The following GLIS1 variants were observed in gnomAD, a reference collection of about 807,000 sequenced individuals.
The protein encoded by GLIS1 is GLIS family zinc finger 1.
Under a neutral mutation model 63.8 loss-of-function variants are expected in GLIS1, and 24 were observed. That is an observed-to-expected ratio of 0.38 (90% CI 0.27 to 0.53). The LOEUF (loss-of-function observed/expected upper bound fraction) is 0.53. Ranked by LOEUF, GLIS1 falls within the 20% of genes least tolerant of loss-of-function variation. The probability of loss-of-function intolerance (pLI) is 0.85; values close to 1 mark genes in which losing one functional copy is unlikely to be tolerated. For synonymous variants in GLIS1, 450 were observed against 482.5 expected (o/e 0.93, Z 0.88); for missense variants, 1,036 against 1,074.1 (o/e 0.96, Z 0.50).
intron 4 of GLIS1, among the ~76,000 whole-genome samples, chr1:53,530,803 C>T (rs537600971): frequency 3.0e-4 from 46 of 152,326 alleles, no homozygotes; most frequent in Non-Finnish European, 5.7e-4. Context: ...TGCTGCCTAG[C>T]GGAAGCAGCA....
intron 7 of GLIS1, among the ~76,000 whole-genome samples, chr1:53,515,267 C>T (rs1025654901): frequency 2.0e-5 from 3 of 152,092 alleles, no homozygotes; most frequent in South Asian, 2.1e-4. Flanking sequence ...GCCCAGGGCT[C>T]GGCAGTGCCT....
intron 2 of GLIS1, among the ~76,000 whole-genome samples, chr1:53,715,910 G>A (rs1465913167): frequency 1.3e-5 from 2 of 152,204 alleles, no homozygotes; most frequent in South Asian, 4.1e-4. Context: ...AGGGGGATTA[G>A]ACGCAGGAAG....
At position 53,645,795 on chromosome 1, in the gene GLIS1, G is replaced by C. The variant is rs149136088; in HGVS notation, c.260-45517C>G. Reference sequence around the variant, plus strand: ...ACTTTCCCAAGTTCATAGAATTTAGGGGGCAGCAGAGCTGGATTTTCAAGA... The same window carrying C: ...ACTTTCCCAAGTTCATAGAATTTAGCGGGCAGCAGAGCTGGATTTTCAAGA... On this transcript the variant is annotated intron_variant, in intron 2 of 10. Transcript: ENST00000628545. Among the ~76,000 whole-genome samples the C allele has an allele frequency of 7.6e-4, 116 of 152,206 alleles. 1 individual carries two copies. The highest frequency in any genetic ancestry group is 2.4e-3 in the African/African-American group (101 of 41,458).
chr1:53,691,987 C>T (rs939885977), intron 2 of GLIS1, among the ~76,000 whole-genome samples: 1 of 152,100 alleles, frequency 6.6e-6, no homozygotes, highest in Admixed American at 6.5e-5. Context: ...CGGGGAGTTC[C>T]ACACCTATAA....
chr1:53,688,132 G>A (rs1382519856), intron 2 of GLIS1, among the ~76,000 whole-genome samples: 2 of 152,206 alleles, frequency 1.3e-5, no homozygotes, highest in African/African-American at 2.4e-5. Flanking sequence ...TGTGTGTGGC[G>A]TGCTGACACC....
At chr1:53,721,676 G>C (rs75820566) in intron 2 of GLIS1, among the ~76,000 whole-genome samples, 1 of 152,078 alleles carries the variant, frequency 6.6e-6, no homozygotes, top group Non-Finnish European at 1.5e-5. Flanking sequence ...TAAAAACTAT[G>C]TTTGGCATTA....
chr1:53,560,469 C>T lies in GLIS1; in HGVS notation c.1321-30517G>A, dbSNP rs1266077046. On this transcript the variant is annotated intron_variant, in intron 4 of 10. Coordinates refer to ENST00000628545, the MANE Select transcript of GLIS1 (RefSeq NM_001367484.1). This position sits in a 1 kb window ranked among gnomAD's most constrained non-coding sequence, Gnocchi z 4.4. The stretch of plus-strand genomic sequence containing the variant: ...AGTTCCGGTCGGGAGATATCTGGTC[C>T]ACACACGGAGCAAATATCTGTTTCC... 6.6e-6 allele frequency among the ~76,000 whole-genome samples: 1 copy of T among 152,212 alleles called. No individual in the cohort carries two copies. The highest frequency in any genetic ancestry group is 2.4e-5 in the African/African-American group (1 of 41,450).
At chr1:53,522,346 C>T (rs796324464) in intron 6 of GLIS1, among the ~76,000 whole-genome samples, 4 of 152,318 alleles carry the variant, frequency 2.6e-5, no homozygotes, top group East Asian at 1.9e-4. Context: ...CCCAAGTCCC[C>T]GGGGGCTCAG....
intron 2 of GLIS1, among the ~76,000 whole-genome samples, chr1:53,662,475 GGAT>G (rs907351319): frequency 2.6e-5 from 4 of 152,110 alleles, no homozygotes; most frequent in African/African-American, 4.8e-5. Flanking sequence ...ATGGCGGCAA[GGAT>G]GATGATGATG....
intron 4 of GLIS1, among the ~76,000 whole-genome samples, chr1:53,532,738 G>A (rs1458971472): frequency 1.3e-5 from 2 of 152,202 alleles, no homozygotes; most frequent in Non-Finnish European, 2.9e-5. Context: ...AACTCCTCCA[G>A]GCTTCGTCAT....
chr1:53,543,358 C>T (rs1453671797), intron 4 of GLIS1, among the ~76,000 whole-genome samples: 1 of 152,138 alleles, frequency 6.6e-6, no homozygotes, highest in Non-Finnish European at 1.5e-5. Context: ...GTTTAACCTC[C>T]GGAGTGCTCT....
chr1:53,563,737 C>T (rs759560296), intron 4 of GLIS1, among the ~76,000 whole-genome samples: 8 of 152,060 alleles, frequency 5.3e-5, no homozygotes, highest in Non-Finnish European at 1.2e-4. Flanking sequence ...AAAAGAAATC[C>T]ACATTTACTC....
Position 53,646,866 on chromosome 1 carries a change from G to A in GLIS1, c.260-46588C>T, listed in dbSNP as rs1274815718. Among the ~76,000 whole-genome samples the A allele has an allele frequency of 6.9e-6, 1 of 144,406 alleles. No individual in the cohort carries two copies. The highest frequency in any genetic ancestry group is 1.5e-5 in the Non-Finnish European group (1 of 66,670). 94.7% of individuals were successfully genotyped at this position (144,406 alleles called of 152,430 possible). A position where few individuals can be genotyped will look rare whatever the true frequency, so the allele number is the denominator to read the frequency against. On this transcript the variant is annotated intron_variant, in intron 2 of 10. Coordinates refer to ENST00000628545, the MANE Select transcript of GLIS1 (RefSeq NM_001367484.1). The surrounding 1 kb of genome is among the most constrained non-coding windows in gnomAD (Gnocchi z 4.2). Reference sequence around the variant, plus strand: ...AGAGAAAGAGAGGGGAAGGAAAGAAGGAAGGAAGGAAGGAGAAGGGAAGGG... The same window carrying A: ...AGAGAAAGAGAGGGGAAGGAAAGAAAGAAGGAAGGAAGGAGAAGGGAAGGG...
intron 2 of GLIS1, among the ~76,000 whole-genome samples, chr1:53,642,421 G>A (rs535394917): frequency 1.3e-5 from 2 of 152,246 alleles, no homozygotes; most frequent in Admixed American, 1.3e-4. Flanking sequence ...GCCACGCAAC[G>A]ATAAGGCCTT....
intron 5 of GLIS1, among the ~76,000 whole-genome samples, chr1:53,529,141 T>C (rs143667931): frequency 3.3e-5 from 5 of 152,254 alleles, no homozygotes; most frequent in Non-Finnish European, 4.4e-5. Flanking sequence ...TAACGGCACA[T>C]GGAGGGCTGC....
At chr1:53,733,891 A>C (rs1646888262) in intron 2 of GLIS1, 1 of 984,344 alleles carries the variant, frequency 1.0e-6, no homozygotes. Context: ...AATGCTTTAA[A>C]AGTCACTCAT....
chr1:53,625,600 AG>A (rs1390150490), intron 2 of GLIS1, among the ~76,000 whole-genome samples: 1 of 152,222 alleles, frequency 6.6e-6, no homozygotes, highest in East Asian at 1.9e-4. Flanking sequence ...GGCATCCCCC[AG>A]GCCCAACCCT....
rs115799045 is a variant in GLIS1, at chr1:53,642,789, G to C, written c.260-42511C>G. On this transcript the variant is annotated intron_variant, in intron 2 of 10. Transcript: ENST00000628545. ...TATCAGATTCAACGTCACCTCCTCC[G>C]GGAAGTCTCCCTGATCTCCACCAGG... 3.3e-5 allele frequency among the ~76,000 whole-genome samples: 5 copies of C among 152,170 alleles called. No homozygotes were observed. In the East Asian group the frequency reaches 9.7e-4, roughly 29 times the overall value.
At chr1:53,684,247 G>A (rs1021991050) in intron 2 of GLIS1, among the ~76,000 whole-genome samples, 2 of 152,146 alleles carry the variant, frequency 1.3e-5, no homozygotes, top group Non-Finnish European at 2.9e-5. Flanking sequence ...GAGCCAGGCT[G>A]CTAGAACCTC....
Sources: gnomAD v4.1 joint callset for allele counts (sites outside exome capture counted in the v4.1 genomes callset) on GRCh38, gnomAD v4.1.1 for gene constraint, Gnocchi (gnomAD v3.1) non-coding constraint, MANE v1.5 for transcripts, NCBI Gene and HGNC (gene_info 2026-07-23, HGNC 2026-07-21) for gene names.